Variants in LAMB4 observed in about 807,000 individuals in gnomAD.
LAMB4 encodes the protein laminin subunit beta-4.
Under a neutral mutation model 199.2 loss-of-function variants are expected in LAMB4, and 196 were observed. That is an observed-to-expected ratio of 0.98 (90% CI 0.88 to 1.11). The LOEUF (loss-of-function observed/expected upper bound fraction) is 1.11, where lower values mean the gene tolerates loss of function less well. LAMB4 is among the 50% of genes least tolerant of loss of function. The probability of loss-of-function intolerance (pLI) is 0.00; values close to 1 mark genes in which losing one functional copy is unlikely to be tolerated. For missense variants in LAMB4, 2,080 were observed against 2,171.2 expected (o/e 0.96, Z 0.83); for synonymous variants, 744 against 770.6 (o/e 0.97, Z 0.57).
intron 17 of LAMB4, among the ~76,000 whole-genome samples, chr7:108,073,140 G>A (rs1356467003): frequency 6.6e-6 from 1 of 152,180 alleles, no homozygotes; most frequent in Non-Finnish European, 1.5e-5. Context: ...CAAGTAGCTG[G>A]GACTACAGGC....
chr7:108,039,951 A>G (rs1323083813), intron 29 of LAMB4, among the ~76,000 whole-genome samples: 2 of 152,178 alleles, frequency 1.3e-5, no homozygotes, highest in Non-Finnish European at 2.9e-5. Flanking sequence ...GCGTATCCAA[A>G]TAGGAAGAGA....
chr7:108,073,392 TG>T (rs1203511650), intron 17 of LAMB4, among the ~76,000 whole-genome samples: 1 of 152,234 alleles, frequency 6.6e-6, no homozygotes, highest in African/African-American at 2.4e-5. Flanking sequence ...TTCCATTCCA[TG>T]GTTTAAAAAG....
intron 31 of LAMB4, among the ~76,000 whole-genome samples, chr7:108,032,179 C>T (rs1446307183): frequency 1.3e-5 from 2 of 152,122 alleles, no homozygotes; most frequent in Non-Finnish European, 2.9e-5. Context: ...CACCTGAGGT[C>T]AGGAGTTCAA....
chr7:108,059,948 G>A (rs540160117), intron 23 of LAMB4, among the ~76,000 whole-genome samples: 1 of 152,276 alleles, frequency 6.6e-6, no homozygotes, highest in South Asian at 2.1e-4. Context: ...AATTTGGGAA[G>A]CATGTTTCTC....
intron 28 of LAMB4, chr7:108,044,120 AC>A: frequency 2.4e-6 from 1 of 409,356 alleles, no homozygotes; most frequent in South Asian, 4.1e-5. Context: ...ATCTTTTAGA[AC>A]ATTACTGACT....
intron 15 of LAMB4, 25 bp from the exon 16 acceptor site, chr7:108,078,341 T>C (rs1176844323): frequency 2.9e-6 from 4 of 1,382,466 alleles, no homozygotes; most frequent in Non-Finnish European, 4.1e-6. Flanking sequence ...CATTAAGGCA[T>C]GTCACTGCAA....
intron 21 of LAMB4, 116 bp from the exon 22 acceptor site, chr7:108,064,101 C>A (rs1224038473): frequency 8.2e-6 from 6 of 734,080 alleles, no homozygotes; most frequent in Non-Finnish European, 1.4e-5. Flanking sequence ...TGAGAAATCA[C>A]ACATTCGGGG....
chr7:108,095,567 TAGG>T (rs1378050567), intron 11 of LAMB4, among the ~76,000 whole-genome samples: 7 of 152,282 alleles, frequency 4.6e-5, no homozygotes, highest in Admixed American at 4.6e-4. Context: ...GGATGGCAAT[TAGG>T]AGGAGGAGAC....
chr7:108,030,110 C>T (rs1312358887), intron 32 of LAMB4, among the ~76,000 whole-genome samples: 1 of 147,604 alleles, frequency 6.8e-6, no homozygotes, highest in African/African-American at 2.5e-5. Flanking sequence ...GAGAGAGACT[C>T]TGTCTCACAA....
intron 2 of LAMB4, among the ~76,000 whole-genome samples, chr7:108,117,603 C>T (rs185498961): frequency 6.3e-4 from 96 of 152,220 alleles, no homozygotes; most frequent in African/African-American, 2.2e-3. Flanking sequence ...GGTTCTTGAA[C>T]CTCACACAAG....
rs754340799 is a variant in LAMB4, at chr7:108,123,171, G to T, written c.-7C>A. The T allele has an allele frequency of 2.4e-5, 38 of 1,607,958 alleles. No individual in the cohort carries two copies. Among genetic ancestry groups the T allele is most frequent in the Non-Finnish European group, 3.1e-5 (37 of 1,177,516 alleles). On this transcript the variant is annotated 5_prime_UTR_variant, in exon 2 of 34. Transcript: ENST00000388781. Reference sequence around the variant, plus strand: ...GGGTCAGTTGAAATTGCATTCTTTTGTCAGGAGATGATTAAATTCAATTCT... The same window carrying T: ...GGGTCAGTTGAAATTGCATTCTTTTTTCAGGAGATGATTAAATTCAATTCT...
chr7:108,096,997 A>G (rs1413215404), intron 11 of LAMB4, among the ~76,000 whole-genome samples: 1 of 151,108 alleles, frequency 6.6e-6, no homozygotes, highest in East Asian at 1.9e-4. Flanking sequence ...ACACCCCCAC[A>G]CACCAAAATA....
At chr7:108,098,376 T>C (rs145405296) in intron 11 of LAMB4, 27 bp downstream of exon 11, 8,817 of 1,373,032 alleles carry the variant, frequency 6.4e-3, no homozygotes, top group Non-Finnish European at 7.7e-3. Flanking sequence ...TGATGGACAC[T>C]CCCCCGACCC....
intron 7 of LAMB4, 29 bp downstream of exon 7, chr7:108,106,480 T>C (rs370975162): frequency 3.6e-5 from 47 of 1,323,570 alleles, no homozygotes; most frequent in Non-Finnish European, 4.7e-5. Flanking sequence ...TTTTTAAAGC[T>C]GATATGAAAA....
chr7:108,085,954 G>A (rs1421850955), intron 14 of LAMB4, among the ~76,000 whole-genome samples: 2 of 152,206 alleles, frequency 1.3e-5, no homozygotes, highest in Non-Finnish European at 2.9e-5. Context: ...GTGGGTCAGA[G>A]CATGCAATGA....
At chr7:108,101,832 G>A (rs2037824275) in intron 10 of LAMB4, among the ~76,000 whole-genome samples, 1 of 152,114 alleles carries the variant, frequency 6.6e-6, no homozygotes. Context: ...GCCTTCCTTG[G>A]CTCACTCTAG....
intron 17 of LAMB4, among the ~76,000 whole-genome samples, chr7:108,072,498 A>T (rs2036566472): frequency 6.6e-6 from 1 of 152,196 alleles, no homozygotes; most frequent in South Asian, 2.1e-4. Context: ...GAATATTAGA[A>T]AATATTTGTA....
chr7:108,033,238 G>A (rs2035103361), intron 31 of LAMB4, among the ~76,000 whole-genome samples: 1 of 152,148 alleles, frequency 6.6e-6, no homozygotes, highest in African/African-American at 2.4e-5. Flanking sequence ...TCATTGTAGT[G>A]CAAAAGCATC....
At chr7:108,098,310 G>GC in intron 11 of LAMB4, 93 bp downstream of exon 11, 1 of 639,710 alleles carries the variant, frequency 1.6e-6, no homozygotes, top group East Asian at 4.0e-5. Context: ...TCCAGCCTGG[G>GC]CGACAGAGCG....
Sources: allele counts gnomAD v4.1 joint callset (sites outside exome capture counted in the v4.1 genomes callset), GRCh38; gene constraint gnomAD v4.1.1; transcripts MANE v1.5; gene names NCBI Gene and HGNC (gene_info 2026-07-23, HGNC 2026-07-21).